Variants in MCOLN2 observed in about 807,000 individuals in gnomAD.
MCOLN2 encodes mucolipin TRP cation channel 2.
A neutral mutation model predicts 67.5 loss-of-function variants in MCOLN2; 57 were observed. The observed-to-expected ratio is 0.84, with a 90% CI of 0.68 to 1.05. MCOLN2 has a LOEUF of 1.05. Ranked by LOEUF, MCOLN2 falls within the 50% of genes least tolerant of loss-of-function variation. The pLI is 0.00. For missense variants in MCOLN2, 620 were observed against 678.8 expected (o/e 0.91, Z 0.96); for synonymous variants, 246 against 233.3 (o/e 1.05, Z -0.50).
intron 1 of MCOLN2, among the ~76,000 whole-genome samples, chr1:84,983,290 GAT>G (rs1354778194): frequency 2.6e-5 from 4 of 151,874 alleles, no homozygotes; most frequent in Non-Finnish European, 5.9e-5. Context: ...CTTTTTTTGA[GAT>G]AGGATCTCAC....
chr1:84,978,593 A>C (rs911982831), intron 1 of MCOLN2, among the ~76,000 whole-genome samples: 1 of 152,170 alleles, frequency 6.6e-6, no homozygotes, highest in Non-Finnish European at 1.5e-5. Context: ...TATACCAATA[A>C]ATTGGAAAAT....
At chr1:84,989,128 C>T (rs755137078) in intron 1 of MCOLN2, among the ~76,000 whole-genome samples, 1 of 152,128 alleles carries the variant, frequency 6.6e-6, no homozygotes, top group Non-Finnish European at 1.5e-5. Flanking sequence ...TTGTTTATAA[C>T]CATATAGCCC....
At chr1:84,930,722 G>A (rs575074613) in intron 12 of MCOLN2, among the ~76,000 whole-genome samples, 7 of 152,252 alleles carry the variant, frequency 4.6e-5, no homozygotes, top group Non-Finnish European at 1.0e-4. Flanking sequence ...AAAGGCACTG[G>A]CATGGCACCC....
chr1:84,985,524 C>G (rs1462293995), intron 1 of MCOLN2, among the ~76,000 whole-genome samples: 4 of 152,154 alleles, frequency 2.6e-5, no homozygotes, highest in Admixed American at 2.6e-4. Context: ...CTTATCCAAC[C>G]CTTTTTATGA....
intron 1 of MCOLN2, among the ~76,000 whole-genome samples, chr1:84,994,408 G>A (rs1651048464): frequency 6.6e-6 from 1 of 152,202 alleles, no homozygotes; most frequent in South Asian, 2.1e-4. Flanking sequence ...AGGCTGTTTT[G>A]TCTACATTGA....
At chr1:84,940,197 T>C (rs1251184179) in intron 8 of MCOLN2, among the ~76,000 whole-genome samples, 1 of 152,070 alleles carries the variant, frequency 6.6e-6, no homozygotes, top group Non-Finnish European at 1.5e-5. Context: ...TTGGGGAGCA[T>C]GTAAGAAAGG....
intron 9 of MCOLN2, 81 bp from the exon 10 acceptor site, chr1:84,938,163 T>G: frequency 1.0e-6 from 1 of 956,180 alleles, no homozygotes; most frequent in Non-Finnish European, 1.5e-6. Context: ...ATTAAACCAA[T>G]TAATAAAAAA....
At chr1:84,972,317 CT>C (rs1344961571) in intron 1 of MCOLN2, among the ~76,000 whole-genome samples, 8 of 152,094 alleles carry the variant, frequency 5.3e-5, no homozygotes, top group African/African-American at 1.9e-4. Flanking sequence ...GCAATCACAG[CT>C]TTTATGAATT....
rs1042829356 is a variant in MCOLN2, at chr1:84,989,770, T to C, written c.77+7026A>G. ...GCAATATATTTACACAGGCAAAAGT[T>C]AACTATCTATTGTGATCTGTAAAGA... is the stretch of plus-strand genomic sequence containing the variant. On this transcript the variant is annotated intron_variant, in intron 1 of 13. Transcript: ENST00000370608. Among the ~76,000 whole-genome samples, 8 of 152,236 alleles carry C rather than the reference T, an allele frequency of 5.3e-5. No homozygotes were observed. The South Asian group carries it at 1.5e-3, about 28-fold the overall frequency.
intron 7 of MCOLN2, 60 bp downstream of exon 7, chr1:84,946,973 A>C: frequency 2.4e-6 from 2 of 844,110 alleles, no homozygotes; most frequent in Non-Finnish European, 4.0e-6. Context: ...ACCCCAAGCC[A>C]CAAAATAAAG....
intron 3 of MCOLN2, among the ~76,000 whole-genome samples, chr1:84,957,174 C>T (rs1648839196): frequency 6.6e-6 from 1 of 152,152 alleles, no homozygotes; most frequent in South Asian, 2.1e-4. Flanking sequence ...AAATCACAAA[C>T]ATCCATCACT....
intron 6 of MCOLN2, among the ~76,000 whole-genome samples, chr1:84,950,851 G>C (rs1183879206): frequency 2.6e-5 from 4 of 152,104 alleles, no homozygotes; most frequent in Non-Finnish European, 4.4e-5. Context: ...ACCTCCATTA[G>C]CACTGGCACT....
intron 2 of MCOLN2, among the ~76,000 whole-genome samples, chr1:84,964,905 C>T (rs769739455): frequency 2.0e-4 from 31 of 152,218 alleles, no homozygotes; most frequent in Non-Finnish European, 4.4e-4. Flanking sequence ...TGCTCCCTTG[C>T]CTACCACTCA....
At chr1:84,944,304 G>A (rs1647965033) in intron 7 of MCOLN2, among the ~76,000 whole-genome samples, 1 of 152,184 alleles carries the variant, frequency 6.6e-6, no homozygotes, top group Admixed American at 6.5e-5. Context: ...GGAGGCCGAG[G>A]CGGGCAGATC....
chr1:84,981,163 G>C (rs936806529), intron 1 of MCOLN2, among the ~76,000 whole-genome samples: 1 of 152,080 alleles, frequency 6.6e-6, no homozygotes. Context: ...AACAAACACT[G>C]GTGAGGATGT....
intron 1 of MCOLN2, among the ~76,000 whole-genome samples, chr1:84,975,317 C>T (rs144990641): frequency 6.6e-6 from 1 of 152,322 alleles, no homozygotes; most frequent in African/African-American, 2.4e-5. Context: ...CACTCCATCC[C>T]TAGCTTTAGA....
chr1:84,987,627 T>C (rs1337413566), intron 1 of MCOLN2, among the ~76,000 whole-genome samples: 7 of 103,538 alleles, frequency 6.8e-5, no homozygotes, highest in African/African-American at 1.7e-4. Flanking sequence ...TATATACATA[T>C]GTATATATGT....
In MCOLN2 at chr1:84,959,864, C is replaced by T. The variant is rs1648987241; in HGVS notation, c.238-1162G>A. The stretch of plus-strand genomic sequence containing the variant: ...CATGGTTCAATATGATACATCTGAA[C>T]AATAATATACAAGATACAATTCTGA... On this transcript the variant is annotated intron_variant, in intron 2 of 13. Coordinates refer to ENST00000370608, the MANE Select transcript of MCOLN2 (RefSeq NM_153259.4). Among the ~76,000 whole-genome samples, 14 of 152,192 alleles carry T rather than the reference C, an allele frequency of 9.2e-5. No individual in the cohort carries two copies. In the South Asian group the frequency reaches 2.7e-3, roughly 29 times the overall value.
intron 1 of MCOLN2, among the ~76,000 whole-genome samples, chr1:84,986,837 C>T (rs1008278766): frequency 2.6e-5 from 4 of 152,076 alleles, no homozygotes; most frequent in Non-Finnish European, 5.9e-5. Context: ...TGTGATACCA[C>T]CTCACTCCTG....
Sources: allele counts gnomAD v4.1 joint callset (sites outside exome capture counted in the v4.1 genomes callset), GRCh38; gene constraint gnomAD v4.1.1; transcripts MANE v1.5; gene names NCBI Gene and HGNC (gene_info 2026-07-23, HGNC 2026-07-21).